The following FUT8 variants were observed in gnomAD, a reference collection of about 807,000 sequenced individuals.
FUT8 encodes fucosyltransferase 8.
A neutral mutation model predicts 71.3 loss-of-function variants in FUT8; 29 were observed. The observed-to-expected ratio is 0.41, with a 90% CI of 0.30 to 0.55. The LOEUF (loss-of-function observed/expected upper bound fraction) is 0.55, where lower values mean the gene tolerates loss of function less well. Among genes scored for constraint, FUT8 ranks in the 20% least tolerant of loss-of-function variants. FUT8 has a pLI of 0.34. For synonymous variants in FUT8, 254 were observed against 239.3 expected (o/e 1.06, Z -0.57); for missense variants, 544 against 702.1 (o/e 0.77, Z 2.55).
intron 3 of FUT8, among the ~76,000 whole-genome samples, chr14:65,601,110 C>G (rs935735893): frequency 2.0e-5 from 3 of 152,050 alleles, no homozygotes; most frequent in African/African-American, 7.2e-5. Flanking sequence ...TCGCTTGTCC[C>G]TTTTACCCCT....
At chr14:65,486,245 TA>T (rs1391465180) in intron 2 of FUT8, among the ~76,000 whole-genome samples, 1 of 152,230 alleles carries the variant, frequency 6.6e-6, no homozygotes, top group Non-Finnish European at 1.5e-5. Flanking sequence ...ACCTACGTTT[TA>T]AAAGGTATTT....
intron 2 of FUT8, among the ~76,000 whole-genome samples, chr14:65,494,435 G>T (rs1346699304): frequency 6.6e-6 from 1 of 152,066 alleles, no homozygotes; most frequent in Admixed American, 6.6e-5. Flanking sequence ...TATTGTAGTT[G>T]CTATGTTCAT....
At chr14:65,578,061 AT>A (rs1374277884) in intron 3 of FUT8, among the ~76,000 whole-genome samples, 1 of 152,158 alleles carries the variant, frequency 6.6e-6, no homozygotes, top group East Asian at 1.9e-4. Flanking sequence ...AATTGTAAAA[AT>A]TTAAACTTTG....
chr14:65,645,181 G>T (rs2140307126), intron 6 of FUT8, among the ~76,000 whole-genome samples: 1 of 152,272 alleles, frequency 6.6e-6, no homozygotes, highest in South Asian at 2.1e-4. Flanking sequence ...ATAAATTCTA[G>T]TTGGTAAATT....
chr14:65,586,561 A>G (rs904892484), intron 3 of FUT8, among the ~76,000 whole-genome samples: 4 of 152,224 alleles, frequency 2.6e-5, no homozygotes, highest in Non-Finnish European at 5.9e-5. Context: ...ATAAAGTTTA[A>G]CCGTGAAGAA....
At chr14:65,551,909 GTT>G (rs1885308341) in intron 2 of FUT8, among the ~76,000 whole-genome samples, 1 of 150,150 alleles carries the variant, frequency 6.7e-6, no homozygotes, top group African/African-American at 2.5e-5. Context: ...GGTGCTAAAT[GTT>G]TGTGATAAAA....
intron 1 of FUT8, among the ~76,000 whole-genome samples, chr14:65,439,985 T>TATATATATATATATAC (rs2065626473): frequency 4.4e-5 from 6 of 137,166 alleles, no homozygotes; most frequent in Non-Finnish European, 7.8e-5. Context: ...TATATATATA[T>TATATATATATATATAC]ATATATGTAC....
Position 65,603,980 on chromosome 14 carries a change from A to G in FUT8, c.204-11998A>G, listed in dbSNP as rs1794786739. 6.6e-6 allele frequency among the ~76,000 whole-genome samples: 1 copy of G among 151,764 alleles called. No homozygotes were observed. The highest frequency in any genetic ancestry group is 1.5e-5 in the Non-Finnish European group (1 of 67,856). On this transcript the variant is annotated intron_variant, in intron 3 of 10. Coordinates refer to ENST00000673929, the MANE Select transcript of FUT8 (RefSeq NM_001371533.1). This position sits in a 1 kb window ranked among gnomAD's most constrained non-coding sequence, Gnocchi z 4.5. ...ATTCTTACATCAGACAAAACAAAAA[A>G]CAACAGCAACTAAAAAAGACAAAAG...
chr14:65,526,463 T>C (rs528933660), intron 2 of FUT8, among the ~76,000 whole-genome samples: 3 of 152,324 alleles, frequency 2.0e-5, no homozygotes, highest in Admixed American at 2.0e-4. Flanking sequence ...TGTCTCTTCA[T>C]GTGAGACAGG....
chr14:65,599,008 C>G (rs1888154511), intron 3 of FUT8, among the ~76,000 whole-genome samples: 1 of 152,140 alleles, frequency 6.6e-6, no homozygotes, highest in Admixed American at 6.5e-5. Flanking sequence ...CCAGGATGGT[C>G]TCGATCTCCT....
At chr14:65,405,297 A>G in the FUT8 span, among the ~76,000 whole-genome samples, 1 of 152,202 alleles carries the variant, frequency 6.6e-6, no homozygotes, top group African/African-American at 2.4e-5. Flanking sequence ...GAAAAGTAAG[A>G]TTTTAGTTGA....
chr14:65,528,254 AC>A lies in FUT8; in HGVS notation c.-227-33079del, dbSNP rs541129098. Among the ~76,000 whole-genome samples, 115 of 152,096 alleles carry A rather than the reference AC, an allele frequency of 7.6e-4. 3 individuals are homozygous for A. In the East Asian group the frequency reaches 0.017, roughly 23 times the overall value. ...TACGCAAGCCTCAGCAATGGCAGGT[AC>A]CCCTCCCCCAGCTTCGCTGCCACCT... is the stretch of plus-strand genomic sequence containing the variant. On this transcript the variant is annotated intron_variant, in intron 2 of 10. Coordinates refer to ENST00000673929, the MANE Select transcript of FUT8 (RefSeq NM_001371533.1).
At chr14:65,606,033 C>A (rs1888566593) in intron 3 of FUT8, among the ~76,000 whole-genome samples, 1 of 150,392 alleles carries the variant, frequency 6.6e-6, no homozygotes, top group Non-Finnish European at 1.5e-5. Context: ...TTCTCTCCAC[C>A]TGTGACTTGT....
intron 1 of FUT8, among the ~76,000 whole-genome samples, chr14:65,439,093 A>T (rs904021735): frequency 6.6e-6 from 1 of 152,188 alleles, no homozygotes; most frequent in African/African-American, 2.4e-5. Flanking sequence ...TGTCTAGATC[A>T]CTAACAGACC....
At chr14:65,698,176 T>C (rs1473429788) in intron 7 of FUT8, among the ~76,000 whole-genome samples, 1 of 152,182 alleles carries the variant, frequency 6.6e-6, no homozygotes, top group Non-Finnish European at 1.5e-5. Flanking sequence ...CAATAATACA[T>C]GCCTAGCATA....
chr14:65,462,357 G>C (rs933460809), intron 2 of FUT8, among the ~76,000 whole-genome samples: 3 of 152,190 alleles, frequency 2.0e-5, no homozygotes. Flanking sequence ...TTTGGAAGAA[G>C]AGCATTCTTC....
At chr14:65,537,244 A>G (rs1334125165) in intron 2 of FUT8, among the ~76,000 whole-genome samples, 1 of 151,014 alleles carries the variant, frequency 6.6e-6, no homozygotes, top group Admixed American at 6.6e-5. Flanking sequence ...TCTGAATTTT[A>G]TTTGTTGTTT....
intron 2 of FUT8, among the ~76,000 whole-genome samples, chr14:65,537,476 C>G (rs1172909454): frequency 6.6e-6 from 1 of 152,130 alleles, no homozygotes; most frequent in Non-Finnish European, 1.5e-5. Context: ...TAAGCTCCGC[C>G]TCCCAGGTTC....
intron 6 of FUT8, among the ~76,000 whole-genome samples, chr14:65,635,350 T>C (rs985737054): frequency 6.6e-6 from 1 of 152,186 alleles, no homozygotes; most frequent in Non-Finnish European, 1.5e-5. Context: ...GTCTGATTGC[T>C]CTGGCTAGGA....
Sources: allele counts gnomAD v4.1 joint callset (sites outside exome capture counted in the v4.1 genomes callset), GRCh38; gene constraint gnomAD v4.1.1; non-coding constraint Gnocchi (gnomAD v3.1); transcripts MANE v1.5; gene names NCBI Gene and HGNC (gene_info 2026-07-23, HGNC 2026-07-21).